The following RIMS1 variants were observed in gnomAD, a reference collection of about 807,000 sequenced individuals.
The protein encoded by RIMS1 is regulating synaptic membrane exocytosis 1, also known as regulating synaptic membrane exocytosis protein 1.
RIMS1 carries 83 observed loss-of-function variants against 214.1 expected under a neutral mutation model. That is an observed-to-expected ratio of 0.39 (90% CI 0.32 to 0.47). RIMS1 has a LOEUF of 0.47. RIMS1 is among the 20% of genes least tolerant of loss of function. The pLI is 0.99. For missense variants in RIMS1, 2,050 were observed against 2,161.8 expected, an observed-to-expected ratio of 0.95 and a Z score of 1.03; for synonymous variants, 793 against 786.8, an observed-to-expected ratio of 1.01 and a Z score of -0.13.
At chr6:72,020,260 A>G (rs576053736) in intron 2 of RIMS1, among the ~76,000 whole-genome samples, 2 of 152,348 alleles carry the variant, frequency 1.3e-5, no homozygotes, top group East Asian at 3.9e-4. Flanking sequence ...CCTTCTTTAG[A>G]GGTACTGGAG....
chr6:72,051,726 A>C (rs1254440568), intron 2 of RIMS1, among the ~76,000 whole-genome samples: 1 of 152,224 alleles, frequency 6.6e-6, no homozygotes, highest in African/African-American at 2.4e-5. Flanking sequence ...AGATCCTAGT[A>C]AATTTACTTT....
intron 29 of RIMS1, among the ~76,000 whole-genome samples, chr6:72,347,115 T>C (rs889242997): frequency 6.6e-6 from 1 of 151,842 alleles, no homozygotes; most frequent in African/African-American, 2.4e-5. Context: ...TATCTCTTGT[T>C]AGACACAGTG....
At chr6:72,092,156 G>A (rs1334944443) in intron 2 of RIMS1, among the ~76,000 whole-genome samples, 1 of 152,100 alleles carries the variant, frequency 6.6e-6, no homozygotes, top group Admixed American at 6.6e-5. Context: ...TTGAGAAAAG[G>A]GCATTAAGGT....
At chr6:72,226,453 G>T (rs1025073903) in intron 6 of RIMS1, among the ~76,000 whole-genome samples, 19 of 151,820 alleles carry the variant, frequency 1.3e-4, no homozygotes, top group African/African-American at 4.6e-4. Flanking sequence ...TTTTCTCAAA[G>T]CCCCATTATC....
chr6:72,239,329 C>T (rs1042617519), intron 9 of RIMS1, among the ~76,000 whole-genome samples: 6 of 152,110 alleles, frequency 3.9e-5, no homozygotes, highest in African/African-American at 1.4e-4. Context: ...TCATTTAACA[C>T]CCTTATGAGC....
At chr6:72,355,707 C>G (rs1368317091) in intron 29 of RIMS1, among the ~76,000 whole-genome samples, 1 of 152,122 alleles carries the variant, frequency 6.6e-6, no homozygotes, top group Non-Finnish European at 1.5e-5. Context: ...ATACATGTCT[C>G]CCATCTAGTT....
intron 2 of RIMS1, among the ~76,000 whole-genome samples, chr6:72,060,718 G>A (rs760524197): frequency 2.6e-5 from 4 of 152,264 alleles, no homozygotes; most frequent in African/African-American, 7.2e-5. Flanking sequence ...CCTGAACAGC[G>A]AAGATGGTAG....
intron 2 of RIMS1, among the ~76,000 whole-genome samples, chr6:72,081,095 C>T (rs962192304): frequency 1.3e-5 from 2 of 152,132 alleles, no homozygotes; most frequent in Non-Finnish European, 2.9e-5. Flanking sequence ...CAATTGAACT[C>T]TAAATATTTA....
chr6:72,122,165 C>T lies in RIMS1; in HGVS notation c.471+22179C>T, dbSNP rs9442743. Among the ~76,000 whole-genome samples the T allele has an allele frequency of 2.8e-3, 414 of 150,128 alleles. 3 individuals are homozygous for T. The highest frequency in any genetic ancestry group is 9.9e-3 in the African/African-American group (405 of 41,088). The stretch of plus-strand genomic sequence containing the variant: ...GCTTTGGTATCAGGATGTTGCTGGC[C>T]TCATAAAATGAGTTAGGGAGGATTC... On this transcript the variant is annotated intron_variant, in intron 4 of 33. Transcript: ENST00000521978.
At chr6:72,129,554 G>A (rs1270151202) in intron 4 of RIMS1, among the ~76,000 whole-genome samples, 2 of 152,068 alleles carry the variant, frequency 1.3e-5, no homozygotes, top group African/African-American at 4.8e-5. Flanking sequence ...AATTTCTAAC[G>A]TCAGATTATA....
chr6:72,121,465 G>T (rs1334699720), intron 4 of RIMS1, among the ~76,000 whole-genome samples: 1 of 151,786 alleles, frequency 6.6e-6, no homozygotes, highest in African/African-American at 2.4e-5. Context: ...TCTGTTGTTG[G>T]TGTATAGGAA....
intron 2 of RIMS1, among the ~76,000 whole-genome samples, chr6:72,051,317 G>A (rs1010920804): frequency 1.3e-5 from 2 of 152,122 alleles, no homozygotes; most frequent in South Asian, 2.1e-4. Context: ...TTTGTGAAGG[G>A]TAGGGAGAGA....
At chr6:72,270,594 G>T (rs1415854052) in intron 22 of RIMS1, among the ~76,000 whole-genome samples, 3 of 152,210 alleles carry the variant, frequency 2.0e-5, no homozygotes, top group Non-Finnish European at 4.4e-5. Flanking sequence ...ACTTTGAACA[G>T]AATTGAAAGC....
intron 28 of RIMS1, among the ~76,000 whole-genome samples, chr6:72,321,449 TA>T (rs1265548326): frequency 1.3e-5 from 2 of 152,132 alleles, no homozygotes; most frequent in Admixed American, 1.3e-4. Flanking sequence ...GATGTATTCT[TA>T]ACTGGTTACT....
intron 29 of RIMS1, among the ~76,000 whole-genome samples, chr6:72,379,344 A>G (rs571030702): frequency 1.3e-5 from 2 of 152,340 alleles, no homozygotes; most frequent in South Asian, 2.1e-4. Flanking sequence ...AGCTCCCACC[A>G]TCATGTCCCC....
rs148514649 is a variant in RIMS1, at chr6:72,151,321, C to T, written c.472-28254C>T. Among the ~76,000 whole-genome samples, 555 of 152,278 alleles carry T rather than the reference C, an allele frequency of 3.6e-3. 15 individuals carry two copies. Among genetic ancestry groups the T allele is most frequent in the Admixed American group, 0.03 (457 of 15,302 alleles). On this transcript the variant is annotated intron_variant, in intron 4 of 33. Transcript: ENST00000521978. ...CCTCCCAAAGTGCTGCGATTACAGG[C>T]GTGAGCCACTGTACCCGGCCCATAT... is the stretch of plus-strand genomic sequence containing the variant.
At chr6:72,109,540 A>G (rs1357953286) in intron 4 of RIMS1, among the ~76,000 whole-genome samples, 1 of 151,104 alleles carries the variant, frequency 6.6e-6, no homozygotes, top group East Asian at 1.9e-4. Flanking sequence ...CCACTTTTTG[A>G]TGGGGTTGTT....
intron 1 of RIMS1, among the ~76,000 whole-genome samples, chr6:71,897,899 T>C (rs1015158015): frequency 3.9e-5 from 6 of 152,098 alleles, no homozygotes; most frequent in Admixed American, 1.3e-4. Flanking sequence ...ACGGTATAAG[T>C]AGGAGGATAG....
chr6:71,888,437 G>T (rs558519402), intron 1 of RIMS1, among the ~76,000 whole-genome samples: 19 of 152,282 alleles, frequency 1.2e-4, no homozygotes, highest in African/African-American at 4.3e-4. Flanking sequence ...GGGGTGGGGA[G>T]GGAGCAGGGG....
Sources: gnomAD v4.1 joint callset for allele counts (sites outside exome capture counted in the v4.1 genomes callset) on GRCh38, gnomAD v4.1.1 for gene constraint, MANE v1.5 for transcripts, NCBI Gene and HGNC (gene_info 2026-07-23, HGNC 2026-07-21) for gene names.